The following TRHDE variants were observed in gnomAD, a reference collection of about 807,000 sequenced individuals.
The protein encoded by TRHDE is thyrotropin releasing hormone degrading enzyme.
In TRHDE, 72 loss-of-function variants were observed where a neutral mutation model predicts 125.7. The ratio of observed to expected loss-of-function variants is 0.57; its 90% CI spans 0.47 to 0.70. The LOEUF (loss-of-function observed/expected upper bound fraction) is 0.70. Ranked by LOEUF, TRHDE falls within the 30% of genes least tolerant of loss-of-function variation. TRHDE has a pLI of 0.00. For synonymous variants in TRHDE, 509 were observed against 509.1 expected (o/e 1.00, Z 0.00); for missense variants, 1,110 against 1,327.1 (o/e 0.84, Z 2.54).
At chr12:72,321,814 T>C (rs1869109150) in intron 2 of TRHDE, among the ~76,000 whole-genome samples, 1 of 152,158 alleles carries the variant, frequency 6.6e-6, no homozygotes, top group Non-Finnish European at 1.5e-5. Context: ...TAATTTTGTT[T>C]AGTGTTTAGT....
At chr12:72,191,337 C>T (rs1229937604) in intron 2 of TRHDE, among the ~76,000 whole-genome samples, 2 of 152,148 alleles carry the variant, frequency 1.3e-5, no homozygotes, top group Non-Finnish European at 2.9e-5. Flanking sequence ...GCTCTCATAG[C>T]ATCTCCTAGA....
At chr12:72,155,670 T>C (rs1254467487) in intron 2 of TRHDE, among the ~76,000 whole-genome samples, 2 of 152,222 alleles carry the variant, frequency 1.3e-5, no homozygotes, top group African/African-American at 4.8e-5. Flanking sequence ...CAGACCCCGT[T>C]TGCCTGGGTA....
At chr12:72,633,966 T>TGAG (rs952930082) in intron 15 of TRHDE, among the ~76,000 whole-genome samples, 34 of 152,196 alleles carry the variant, frequency 2.2e-4, no homozygotes, top group African/African-American at 7.9e-4. Flanking sequence ...ATAAAAATAA[T>TGAG]GAGGAGGAGG....
chr12:72,301,933 T>G (rs1014264553), intron 2 of TRHDE, among the ~76,000 whole-genome samples: 22 of 152,206 alleles, frequency 1.4e-4, no homozygotes, highest in Non-Finnish European at 2.6e-4. Flanking sequence ...ACAGGAATAC[T>G]GCTATTTCTG....
chr12:72,520,962 T>G (rs1167463247), intron 6 of TRHDE, among the ~76,000 whole-genome samples: 1 of 152,172 alleles, frequency 6.6e-6, no homozygotes, highest in Non-Finnish European at 1.5e-5. Flanking sequence ...ATCATGCAAT[T>G]TAAACTTTAA....
intron 2 of TRHDE, among the ~76,000 whole-genome samples, chr12:72,199,361 T>C (rs1476707146): frequency 6.6e-6 from 1 of 152,090 alleles, no homozygotes; most frequent in Admixed American, 6.6e-5. Context: ...TAATTATAAG[T>C]GCATTTGGAA....
intron 6 of TRHDE, among the ~76,000 whole-genome samples, chr12:72,517,800 C>T (rs1333271048): frequency 1.3e-5 from 2 of 151,580 alleles, no homozygotes; most frequent in Admixed American, 1.3e-4. Flanking sequence ...AAATTTCCCT[C>T]TACACACTGC....
intron 5 of TRHDE, among the ~76,000 whole-genome samples, chr12:72,475,517 G>A (rs777716818): frequency 1.2e-4 from 19 of 152,088 alleles, no homozygotes; most frequent in Non-Finnish European, 2.1e-4. Context: ...TATATCTTCA[G>A]TTTCAGTATC....
At chr12:72,433,837 T>G (rs1404910344) in intron 3 of TRHDE, among the ~76,000 whole-genome samples, 1 of 151,722 alleles carries the variant, frequency 6.6e-6, no homozygotes, top group African/African-American at 2.4e-5. Context: ...AGGCTCTTAA[T>G]CTCTTGTTAC....
At chr12:72,634,910 C>A (rs539065163) in intron 15 of TRHDE, among the ~76,000 whole-genome samples, 23 of 152,168 alleles carry the variant, frequency 1.5e-4, no homozygotes, top group African/African-American at 4.3e-4. Flanking sequence ...ATTGATGGAC[C>A]TTTGGGTTGG....
At chr12:72,103,705 G>T (rs544900850) in intron 1 of TRHDE, among the ~76,000 whole-genome samples, 26 of 152,250 alleles carry the variant, frequency 1.7e-4, no homozygotes, top group African/African-American at 5.8e-4. Flanking sequence ...TTGGGTTGCC[G>T]TGAAAGCAGA....
intron 6 of TRHDE, among the ~76,000 whole-genome samples, chr12:72,506,029 T>A (rs1361955199): frequency 3.3e-5 from 5 of 152,208 alleles, no homozygotes; most frequent in Non-Finnish European, 5.9e-5. Flanking sequence ...CCGGGCATGA[T>A]GGCTCATGCC....
At chr12:72,205,716 A>G (rs866935532) in intron 2 of TRHDE, among the ~76,000 whole-genome samples, 2 of 152,202 alleles carry the variant, frequency 1.3e-5, no homozygotes, top group African/African-American at 4.8e-5. Context: ...GCTAAGTAGT[A>G]TTCCATTGTA....
At chr12:72,177,563 A>G (rs2139339370) in intron 2 of TRHDE, among the ~76,000 whole-genome samples, 1 of 152,288 alleles carries the variant, frequency 6.6e-6, no homozygotes, top group South Asian at 2.1e-4. Context: ...GAGTAAATAT[A>G]TATTATAAAT....
chr12:72,405,065 T>C (rs1873208849), intron 3 of TRHDE, among the ~76,000 whole-genome samples: 1 of 152,224 alleles, frequency 6.6e-6, no homozygotes, highest in East Asian at 1.9e-4. Context: ...TGATTATTTC[T>C]TGAGTGCCTA....
intron 2 of TRHDE, among the ~76,000 whole-genome samples, chr12:72,205,384 A>G (rs532761476): frequency 2.7e-4 from 41 of 151,696 alleles, no homozygotes; most frequent in Admixed American, 5.2e-4. Context: ...CATATAACAT[A>G]AACTTATTCT....
rs1489391858 is a variant in TRHDE at position 72,664,342 on chromosome 12, T to G, written c.*1147T>G. 6.6e-6 allele frequency: 1 copy of G among 152,556 alleles called. No homozygotes were observed. The highest frequency in any genetic ancestry group is 1.5e-5 in the Non-Finnish European group (1 of 68,014). The allele number at this position is 152,556 out of a possible 1,614,324, so 9.5% of individuals were successfully genotyped here. ...TGCATGTTGGTCTTTTAAGTCTGTT[T>G]TGCTCTAATCCTCCATTAAGCGAGC... On this transcript the variant is annotated 3_prime_UTR_variant, in exon 19 of 19. Coordinates refer to ENST00000261180, the MANE Select transcript of TRHDE (RefSeq NM_013381.3).
At chr12:72,599,980 C>T (rs573444106) in intron 12 of TRHDE, among the ~76,000 whole-genome samples, 24 of 152,196 alleles carry the variant, frequency 1.6e-4, no homozygotes, top group Non-Finnish European at 2.2e-4. Context: ...GCTATTTCAG[C>T]ACTATTTATT....
intron 2 of TRHDE, among the ~76,000 whole-genome samples, chr12:72,369,121 A>G (rs932340197): frequency 1.3e-5 from 2 of 152,164 alleles, no homozygotes; most frequent in Non-Finnish European, 2.9e-5. Context: ...CTTAAAATCT[A>G]TAAAGAGATG....
Sources: gnomAD v4.1 joint callset for allele counts (sites outside exome capture counted in the v4.1 genomes callset) on GRCh38, gnomAD v4.1.1 for gene constraint, MANE v1.5 for transcripts, NCBI Gene and HGNC (gene_info 2026-07-23, HGNC 2026-07-21) for gene names.